The following PPM1H variants were observed in gnomAD, a reference collection of about 807,000 sequenced individuals.
PPM1H encodes protein phosphatase, Mg2+/Mn2+ dependent 1H, also known as protein phosphatase 1H.
A neutral mutation model predicts 54.9 loss-of-function variants in PPM1H; 27 were observed. That is an observed-to-expected ratio of 0.49 (90% CI 0.36 to 0.68). The LOEUF (loss-of-function observed/expected upper bound fraction) is 0.68, where lower values mean the gene tolerates loss of function less well. PPM1H is among the 30% of genes least tolerant of loss of function. The probability of loss-of-function intolerance (pLI) is 0.00; values close to 1 mark genes in which losing one functional copy is unlikely to be tolerated. For missense variants in PPM1H, 596 were observed against 667.8 expected (o/e 0.89, Z 1.19); for synonymous variants, 305 against 270.8 (o/e 1.13, Z -1.24).
chr12:62,818,756 C>T (rs779087976), intron 2 of PPM1H, among the ~76,000 whole-genome samples: 6 of 152,100 alleles, frequency 3.9e-5, no homozygotes, highest in Non-Finnish European at 4.4e-5. Flanking sequence ...TCATTGAGAA[C>T]GCCCTTCTCT....
intron 8 of PPM1H, among the ~76,000 whole-genome samples, chr12:62,669,143 C>T (rs576450423): frequency 9.2e-5 from 14 of 152,306 alleles, no homozygotes; most frequent in Admixed American, 2.0e-4. Flanking sequence ...ACTTATGTTC[C>T]GGAGAGGGCA....
intron 5 of PPM1H, among the ~76,000 whole-genome samples, chr12:62,730,072 G>A (rs1246352642): frequency 6.6e-6 from 1 of 151,726 alleles, no homozygotes; most frequent in Non-Finnish European, 1.5e-5. Flanking sequence ...CACTCTGCCC[G>A]CCAGAGAACA....
intron 4 of PPM1H, among the ~76,000 whole-genome samples, chr12:62,750,628 T>C (rs535540138): frequency 6.6e-6 from 1 of 152,236 alleles, no homozygotes; most frequent in Non-Finnish European, 1.5e-5. Flanking sequence ...CTTGGGCATA[T>C]ACCCAGGAGT....
intron 9 of PPM1H, among the ~76,000 whole-genome samples, chr12:62,665,133 C>T (rs1401806277): frequency 6.6e-6 from 1 of 152,000 alleles, no homozygotes; most frequent in African/African-American, 2.4e-5. Context: ...CTGCAACTTC[C>T]GCCTCCCAGG....
chr12:62,827,080 G>A (rs1246961269), intron 2 of PPM1H, among the ~76,000 whole-genome samples: 1 of 152,106 alleles, frequency 6.6e-6, no homozygotes, highest in Non-Finnish European at 1.5e-5. Flanking sequence ...TTTCAATCTT[G>A]TAACTCCTTA....
rs1385557285 is a variant in PPM1H, at chr12:62,934,567, C to G, written c.170G>C (p.Ser57Thr). 1 of 1,556,440 alleles carries G rather than the reference C, an allele frequency of 6.4e-7. No homozygotes were observed. The highest frequency in any genetic ancestry group is 8.7e-7 in the Non-Finnish European group (1 of 1,151,220). ...GATGGGGCGGGCGATGTGGTCGGCG[C>G]TGCACTCCACCTCGTCCTGAGACAG... ...LGLSQDEVEC[S>T]ADHIARPILI... Residue 57 changes from serine (S) to threonine (T), a missense_variant, in exon 1 of 10, where the codon AGC becomes ACC. Physicochemically the swap from Ser to Thr is moderately conservative, Grantham distance 58 (BLOSUM62 1). Around this residue, in one of 3 missense-constraint regions of PPM1H, gnomAD observed 382 missense variants for 387.1 expected, o/e 0.99. Transcript: ENST00000228705. The surrounding 1 kb of genome is among the most constrained non-coding windows in gnomAD (Gnocchi z 4.2).
At chr12:62,678,800 C>T (rs574952230) in intron 8 of PPM1H, among the ~76,000 whole-genome samples, 3 of 152,182 alleles carry the variant, frequency 2.0e-5, no homozygotes, top group Admixed American at 6.5e-5. Context: ...AAGACATTCT[C>T]GTGCCTTAGC....
At chr12:62,676,126 C>A (rs916621831) in intron 8 of PPM1H, among the ~76,000 whole-genome samples, 1 of 152,232 alleles carries the variant, frequency 6.6e-6, no homozygotes, top group African/African-American at 2.4e-5. Context: ...TAAGCTCTCA[C>A]TCCAGGCCGT....
intron 1 of PPM1H, among the ~76,000 whole-genome samples, chr12:62,932,082 CT>C (rs76519920): frequency 0.11 from 14,429 of 135,362 alleles, 917 homozygotes; most frequent in East Asian, 0.35. Context: ...GAGGGGCTGA[CT>C]TTTTTTTTTT....
At chr12:62,854,677 C>T (rs1380016933) in intron 1 of PPM1H, among the ~76,000 whole-genome samples, 1 of 151,952 alleles carries the variant, frequency 6.6e-6, no homozygotes, top group African/African-American at 2.4e-5. Context: ...TAAGTAATCG[C>T]CATGAAATCA....
intron 6 of PPM1H, among the ~76,000 whole-genome samples, chr12:62,707,008 A>G (rs1353255340): frequency 6.6e-6 from 1 of 152,230 alleles, no homozygotes; most frequent in African/African-American, 2.4e-5. Flanking sequence ...CAAAGTGCTC[A>G]GGTGCAATAA....
chr12:62,694,353 GATGA>G (rs1475601338), intron 6 of PPM1H, among the ~76,000 whole-genome samples: 2 of 152,206 alleles, frequency 1.3e-5, no homozygotes, highest in Non-Finnish European at 2.9e-5. Context: ...AGAGCTCAGA[GATGA>G]ATGGAGTGTG....
intron 5 of PPM1H, among the ~76,000 whole-genome samples, chr12:62,727,372 C>A (rs573778894): frequency 1.3e-5 from 2 of 152,258 alleles, no homozygotes; most frequent in South Asian, 4.1e-4. Flanking sequence ...GATAACACAG[C>A]CTTCAATCTT....
At chr12:62,876,116 C>T (rs1322960882) in intron 1 of PPM1H, among the ~76,000 whole-genome samples, 1 of 152,184 alleles carries the variant, frequency 6.6e-6, no homozygotes, top group East Asian at 1.9e-4. Context: ...AGTGAACTTC[C>T]TGTCCAACCA....
chr12:62,696,863 A>G (rs191349952), intron 6 of PPM1H, among the ~76,000 whole-genome samples: 1 of 152,300 alleles, frequency 6.6e-6, no homozygotes, highest in East Asian at 1.9e-4. Flanking sequence ...TCCGGAAAAC[A>G]TGACAAAGAA....
chr12:62,923,191 T>C (rs1355781826), intron 1 of PPM1H, among the ~76,000 whole-genome samples: 1 of 152,142 alleles, frequency 6.6e-6, no homozygotes, highest in Non-Finnish European at 1.5e-5. Context: ...CTTAAAAGCA[T>C]AAATTAAGGC....
At chr12:62,886,414 A>G (rs1276858326) in intron 1 of PPM1H, among the ~76,000 whole-genome samples, 2 of 152,190 alleles carry the variant, frequency 1.3e-5, no homozygotes, top group Non-Finnish European at 2.9e-5. Flanking sequence ...ATATAACTGG[A>G]TTATCCGATT....
At chr12:62,676,544 G>A (rs2075987598) in intron 8 of PPM1H, among the ~76,000 whole-genome samples, 1 of 152,192 alleles carries the variant, frequency 6.6e-6, no homozygotes, top group African/African-American at 2.4e-5. Flanking sequence ...GCTTGGAAGT[G>A]TCTGTTCCTG....
intron 5 of PPM1H, among the ~76,000 whole-genome samples, chr12:62,727,692 A>G (rs1413772453): frequency 1.5e-5 from 2 of 137,584 alleles, no homozygotes; most frequent in Non-Finnish European, 3.2e-5. Flanking sequence ...GTGGATTCTC[A>G]CTCTGTTGCC....
Sources: gnomAD v4.1 joint callset for allele counts (sites outside exome capture counted in the v4.1 genomes callset) on GRCh38, gnomAD v4.1.1 for gene constraint, gnomAD v4.1.1 regional missense constraint, Gnocchi (gnomAD v3.1) non-coding constraint, MANE v1.5 for transcripts, NCBI Gene and HGNC (gene_info 2026-07-23, HGNC 2026-07-21) for gene names.